The following ZDHHC15 variants were observed in gnomAD, a reference collection of about 807,000 sequenced individuals.
The protein encoded by ZDHHC15 is zDHHC palmitoyltransferase 15.
ZDHHC15 carries 19 observed loss-of-function variants against 31.7 expected under a neutral mutation model. The observed-to-expected ratio is 0.60, with a 90% CI of 0.42 to 0.88. The LOEUF (loss-of-function observed/expected upper bound fraction) is 0.88, where lower values mean the gene tolerates loss of function less well. Ranked by LOEUF, ZDHHC15 falls within the 40% of genes least tolerant of loss-of-function variation. ZDHHC15 has a pLI of 0.00. For synonymous variants in ZDHHC15, 103 were observed against 90.0 expected (o/e 1.14, Z -0.82); for missense variants, 209 against 251.2 (o/e 0.83, Z 1.14).
intron 4 of ZDHHC15, among the ~76,000 whole-genome samples, chrX:75,444,538 A>G (rs1404020403): frequency 2.0e-5 from 2 of 102,388 alleles, no homozygotes; most frequent in Non-Finnish European, 3.9e-5. Flanking sequence ...TAATGGGTGC[A>G]GCACACCAAC....
At chrX:75,468,532 T>C (rs916912407) in intron 3 of ZDHHC15, among the ~76,000 whole-genome samples, 2 of 112,189 alleles carry the variant, frequency 1.8e-5, no homozygotes, top group Non-Finnish European at 3.8e-5. Context: ...TGAATAGTTA[T>C]GTATAAGTAC....
chrX:75,485,886 A>G lies in ZDHHC15; in HGVS notation c.164-6901T>C, dbSNP rs979194562. ...CATAATCAAGAAAAAAATAAGCTTC[A>G]GTTTTAAGTTGATCATTAATGGTTA... is the stretch of plus-strand genomic sequence containing the variant. On this transcript the variant is annotated intron_variant, in intron 2 of 11. Coordinates refer to ENST00000373367, the MANE Select transcript of ZDHHC15 (RefSeq NM_144969.3). 3.6e-5 allele frequency among the ~76,000 whole-genome samples: 4 copies of G among 112,111 alleles called. No individual in the cohort carries two copies. The East Asian group carries it at 1.1e-3, about 31-fold the overall frequency.
At chrX:75,437,173 G>A (rs144009327) in intron 4 of ZDHHC15, among the ~76,000 whole-genome samples, 132 of 111,279 alleles carry the variant, frequency 1.2e-3, no homozygotes, top group African/African-American at 3.8e-3. Context: ...GAGCCACCGC[G>A]CCAAGCCCCT....
chrX:75,391,646 TAA>T (rs2083243545), intron 10 of ZDHHC15, among the ~76,000 whole-genome samples: 1 of 111,820 alleles, frequency 8.9e-6, no homozygotes, highest in African/African-American at 3.2e-5. Context: ...GTAGGAGAAA[TAA>T]AAACTTTCCC....
chrX:75,464,142 G>A (rs946691709), intron 3 of ZDHHC15, among the ~76,000 whole-genome samples: 4 of 111,258 alleles, frequency 3.6e-5, no homozygotes, highest in Non-Finnish European at 5.6e-5. Flanking sequence ...GCAGGGACAC[G>A]GATGAAGCTG....
chrX:75,460,190 G>T (rs935220394), intron 3 of ZDHHC15, among the ~76,000 whole-genome samples: 2 of 112,047 alleles, frequency 1.8e-5, no homozygotes, highest in African/African-American at 3.2e-5. Context: ...GCTTCTTTAA[G>T]TGGGACCCCA....
chrX:75,478,003 G>A (rs1406494191), intron 3 of ZDHHC15, among the ~76,000 whole-genome samples: 1 of 110,979 alleles, frequency 9.0e-6, no homozygotes, highest in East Asian at 2.8e-4. Context: ...GCTTCATTAA[G>A]GAGACAGTAT....
chrX:75,378,246 A>G (rs2083079682), intron 11 of ZDHHC15, among the ~76,000 whole-genome samples: 1 of 112,288 alleles, frequency 8.9e-6, no homozygotes. Context: ...ACCTCTCTGC[A>G]TATCAGTTTT....
At chrX:75,408,720 T>C (rs941654466) in intron 10 of ZDHHC15, among the ~76,000 whole-genome samples, 2 of 112,509 alleles carry the variant, frequency 1.8e-5, no homozygotes, top group African/African-American at 6.5e-5. Flanking sequence ...CAAAAAACTG[T>C]TAGAACTAAT....
Position 75,424,754 on chromosome X carries a change from G to T in ZDHHC15, c.634C>A (p.His212Asn). 8.3e-7 allele frequency: 1 copy of T among 1,202,479 alleles called. No homozygotes were observed. Among genetic ancestry groups the T allele is most frequent in the Non-Finnish European group, 1.1e-6 (1 of 891,295 alleles). Residue 212 changes from histidine to asparagine, a missense_variant, in exon 8 of 12, where the codon CAT becomes AAT. By Grantham distance (68) the His-to-Asn change is moderately conservative (BLOSUM62 1). Coordinates refer to ENST00000373367, the MANE Select transcript of ZDHHC15 (RefSeq NM_144969.3). Reference protein sequence around the residue: ...GELPSVRSKFHVLFLLFVACM... With the variant: ...GELPSVRSKFNVLFLLFVACM... ...GCCACAAAGAGAAGAAAAAGGACAT[G>T]GAACTTAGAGCGAACACTGGGTAAT... is the stretch of plus-strand genomic sequence containing the variant.
At chrX:75,430,230 G>A (rs1281260701) in intron 5 of ZDHHC15, among the ~76,000 whole-genome samples, 2 of 111,418 alleles carry the variant, frequency 1.8e-5, no homozygotes, top group East Asian at 2.8e-4. Flanking sequence ...AAAGGGATTG[G>A]AAACTCCAGA....
rs755023725 is a variant in ZDHHC15, at chrX:75,503,123, C to T, written c.163+2698G>A. Among the ~76,000 whole-genome samples the T allele has an allele frequency of 4.5e-5, 5 of 109,937 alleles. No individual in the cohort carries two copies. In the East Asian group the frequency reaches 8.6e-4, roughly 19 times the overall value. On this transcript the variant is annotated intron_variant, in intron 2 of 11. Transcript: ENST00000373367. The stretch of plus-strand genomic sequence containing the variant: ...TGTACCTCCTAAATATATACACCTA[C>T]TATCTATCCAAAAAAATTAAAAAAT...
At chrX:75,476,995 T>C (rs2084615664) in intron 3 of ZDHHC15, among the ~76,000 whole-genome samples, 1 of 111,579 alleles carries the variant, frequency 9.0e-6, no homozygotes, top group Admixed American at 9.6e-5. Context: ...TTTTATCCTT[T>C]TTAAATGAAG....
chrX:75,494,499 A>G lies in ZDHHC15; in HGVS notation c.163+11322T>C, dbSNP rs376661470. The stretch of plus-strand genomic sequence containing the variant: ...AGTCAATCCTAAGCCAAAAGAACAA[A>G]GCTGGAGGCATCATGCTACCTGACT... On this transcript the variant is annotated intron_variant, in intron 2 of 11. Transcript: ENST00000373367. Among the ~76,000 whole-genome samples the G allele has an allele frequency of 9.8e-5, 11 of 111,715 alleles. No individual in the cohort carries two copies. In the East Asian group the frequency reaches 2.0e-3, roughly 20 times the overall value.
intron 9 of ZDHHC15, 93 bp from the exon 10 acceptor site, chrX:75,417,283 C>A (rs1292854802): frequency 1.8e-6 from 1 of 568,748 alleles, no homozygotes; most frequent in Non-Finnish European, 2.8e-6. Flanking sequence ...GGGTTCTTAG[C>A]CATATTTAGT....
rs762524573 is a variant in ZDHHC15 at position 75,490,477 on chromosome X, C to A, written c.164-11492G>T. Among the ~76,000 whole-genome samples, 17 of 111,539 alleles carry A rather than the reference C, an allele frequency of 1.5e-4. No individual in the cohort carries two copies. In the South Asian group the frequency reaches 6.4e-3, roughly 42 times the overall value. ...AAGAATTTTCTTGGCGATGTGGGCT[C>A]TTTTTTGGTTCCATATGAACTTTAA... On this transcript the variant is annotated intron_variant, in intron 2 of 11. Transcript: ENST00000373367.
At chrX:75,479,080 C>T in intron 2 of ZDHHC15, 95 bp from the exon 3 acceptor site, 1 of 552,298 alleles carries the variant, frequency 1.8e-6, no homozygotes, top group East Asian at 4.0e-5. Context: ...TTATTGTTTT[C>T]TTATTAACAT....
chrX:75,433,507 C>G (rs1393501808), intron 4 of ZDHHC15, among the ~76,000 whole-genome samples: 1 of 109,896 alleles, frequency 9.1e-6, no homozygotes, highest in East Asian at 2.9e-4. Flanking sequence ...TTAGCTCTCA[C>G]TCATAATTGA....
At chrX:75,403,062 C>T (rs1409569490) in intron 10 of ZDHHC15, among the ~76,000 whole-genome samples, 2 of 111,875 alleles carry the variant, frequency 1.8e-5, no homozygotes, top group Non-Finnish European at 3.8e-5. Flanking sequence ...ATTTCATCCC[C>T]GGAATGCAAA....
Sources: allele counts gnomAD v4.1 joint callset (sites outside exome capture counted in the v4.1 genomes callset), GRCh38; gene constraint gnomAD v4.1.1; transcripts MANE v1.5; gene names NCBI Gene and HGNC (gene_info 2026-07-23, HGNC 2026-07-21).